Variants in ADARB2 observed in about 807,000 individuals in gnomAD.
The protein encoded by ADARB2 is adenosine deaminase RNA specific B2 (inactive), also known as inactive double-stranded RNA-specific editase B2.
In ADARB2, 25 loss-of-function variants were observed where a neutral mutation model predicts 62.2. The observed-to-expected ratio is 0.40, with a 90% CI of 0.29 to 0.56. The LOEUF (loss-of-function observed/expected upper bound fraction) is 0.56, where lower values mean the gene tolerates loss of function less well. Among genes scored for constraint, ADARB2 ranks in the 20% least tolerant of loss-of-function variants. The probability of loss-of-function intolerance (pLI) is 0.43; values close to 1 mark genes in which losing one functional copy is unlikely to be tolerated. For missense variants in ADARB2, 1,071 were observed against 1,077.4 expected (o/e 0.99, Z 0.08); for synonymous variants, 572 against 500.8 (o/e 1.14, Z -1.90).
intron 1 of ADARB2, among the ~76,000 whole-genome samples, chr10:1,599,043 A>G (rs1261761836): frequency 6.6e-6 from 1 of 152,262 alleles, no homozygotes; most frequent in Admixed American, 6.5e-5. Context: ...CACAACCAAG[A>G]GTGCCATGTT....
rs61283089 is a variant in ADARB2, at chr10:1,486,210, CTGTGTG to C, written c.101-107056_101-107051del. ...TGTGCATGTGTATGTGTGTGGACGC[CTGTGTG>C]TGTGTGTGTGTGTGTGTGTGTGTGT... On this transcript the variant is annotated intron_variant, in intron 1 of 9. Transcript: ENST00000381312. Among the ~76,000 whole-genome samples the C allele has an allele frequency of 1.4e-3, 193 of 142,934 alleles. 1 individual carries two copies. Among genetic ancestry groups the C allele is most frequent in the Middle Eastern group, 3.5e-3 (1 of 284 alleles). The allele number at this position is 142,934 out of a possible 152,430, so 93.8% of individuals were successfully genotyped here.
Position 1,595,416 on chromosome 10 carries a change from C to T in ADARB2, c.100+141635G>A, listed in dbSNP as rs1322308819. 3.3e-5 allele frequency among the ~76,000 whole-genome samples: 5 copies of T among 152,298 alleles called. No individual in the cohort carries two copies. The South Asian group carries it at 8.3e-4, about 25-fold the overall frequency. On this transcript the variant is annotated intron_variant, in intron 1 of 9. Transcript: ENST00000381312. The stretch of plus-strand genomic sequence containing the variant: ...ATGGAGGCTAGGCCTCACCCCAGGG[C>T]ACTGGCTAAGGACGTTCAGAAGGAT...
At position 1,597,751 on chromosome 10, in the gene ADARB2, T is replaced by C. The variant is rs554172107; in HGVS notation, c.100+139300A>G. Among the ~76,000 whole-genome samples, 39 of 152,314 alleles carry C rather than the reference T, an allele frequency of 2.6e-4. No homozygotes were observed. In the South Asian group the frequency reaches 8.1e-3, roughly 32 times the overall value. On this transcript the variant is annotated intron_variant, in intron 1 of 9. Transcript: ENST00000381312. ...AACTAAAAATAGAACTACCATTCAGTCCAGCAATCCCACTACTGGATATCT... is the reference window on the plus strand; with the variant it reads ...AACTAAAAATAGAACTACCATTCAGCCCAGCAATCCCACTACTGGATATCT...
At chr10:1,635,830 A>G (rs752707163) in intron 1 of ADARB2, among the ~76,000 whole-genome samples, 3 of 152,046 alleles carry the variant, frequency 2.0e-5, no homozygotes, top group Non-Finnish European at 4.4e-5. Context: ...TCCTCACTCT[A>G]TCCCTGGACA....
At chr10:1,579,023 G>A (rs1224588629) in intron 1 of ADARB2, among the ~76,000 whole-genome samples, 2 of 152,200 alleles carry the variant, frequency 1.3e-5, no homozygotes, top group Non-Finnish European at 2.9e-5. Context: ...CAGGTGGATA[G>A]CGAGCGGGAT....
At position 1,521,544 on chromosome 10, in the gene ADARB2, C is replaced by T. The variant is rs543889486; in HGVS notation, c.101-142384G>A. 1.2e-3 allele frequency among the ~76,000 whole-genome samples: 181 copies of T among 152,278 alleles called. 1 individual carries two copies. Among genetic ancestry groups the T allele is most frequent in the Non-Finnish European group, 1.3e-3 (89 of 68,034 alleles). ...TCAGACATGCCTCATGATGCCTCTC[C>T]GGCATTAACAGCAACACAGACCTTA... On this transcript the variant is annotated intron_variant, in intron 1 of 9. Transcript: ENST00000381312.
At chr10:1,404,497 A>C (rs1262870824) in intron 1 of ADARB2, among the ~76,000 whole-genome samples, 1 of 152,000 alleles carries the variant, frequency 6.6e-6, no homozygotes, top group African/African-American at 2.4e-5. Context: ...CGTGGGCTCC[A>C]CTCCTCCCGC....
At chr10:1,463,553 C>A (rs983547140) in intron 1 of ADARB2, among the ~76,000 whole-genome samples, 1 of 152,166 alleles carries the variant, frequency 6.6e-6, no homozygotes, top group Non-Finnish European at 1.5e-5. Context: ...AAATAAAATA[C>A]CTTCATTTTT....
chr10:1,717,132 GTC>G (rs1179635492), intron 1 of ADARB2, among the ~76,000 whole-genome samples: 1 of 129,768 alleles, frequency 7.7e-6, no homozygotes, highest in East Asian at 2.3e-4. Flanking sequence ...CGGCTCCTCT[GTC>G]TCTGCTTGGG....
intron 7 of ADARB2, among the ~76,000 whole-genome samples, chr10:1,209,565 A>T (rs1337357416): frequency 7.9e-5 from 9 of 114,058 alleles, no homozygotes; most frequent in Middle Eastern, 4.8e-3. Context: ...ACCCACACCC[A>T]CATCATCACC....
intron 1 of ADARB2, among the ~76,000 whole-genome samples, chr10:1,507,938 A>G (rs1831872794): frequency 6.6e-6 from 1 of 152,038 alleles, no homozygotes; most frequent in Non-Finnish European, 1.5e-5. Flanking sequence ...GGTCCTTCAG[A>G]ACTAGTAACG....
At chr10:1,276,461 C>T (rs1366066012) in intron 3 of ADARB2, among the ~76,000 whole-genome samples, 1 of 151,996 alleles carries the variant, frequency 6.6e-6, no homozygotes, top group Non-Finnish European at 1.5e-5. Context: ...TGTAGTTTGC[C>T]TGTTCACTCT....
At chr10:1,200,455 A>G in intron 7 of ADARB2, 1 of 477,674 alleles carries the variant, frequency 2.1e-6, no homozygotes. Context: ...TTTTAAAAAG[A>G]TACTCTGTCC....
rs148869136 is a variant in ADARB2 at position 1,461,308 on chromosome 10, C to A, written c.101-82148G>T. Among the ~76,000 whole-genome samples the A allele has an allele frequency of 3.6e-4, 55 of 152,294 alleles. 1 individual carries two copies. Among genetic ancestry groups the A allele is most frequent in the African/African-American group, 1.3e-3 (52 of 41,544 alleles). ...TTAGGAGAACTTGTCCTATTGTCTT[C>A]ATCAGAACACGTGTACTTGTCAGGC... On this transcript the variant is annotated intron_variant, in intron 1 of 9. Transcript: ENST00000381312.
chr10:1,204,492 T>C (rs922661582), intron 7 of ADARB2, among the ~76,000 whole-genome samples: 2 of 152,244 alleles, frequency 1.3e-5, no homozygotes, highest in African/African-American at 4.8e-5. Context: ...TGCCTGACCA[T>C]GGGTCCCACA....
chr10:1,435,608 A>G (rs1830827261), intron 1 of ADARB2, among the ~76,000 whole-genome samples: 1 of 148,826 alleles, frequency 6.7e-6, no homozygotes, highest in Non-Finnish European at 1.5e-5. Flanking sequence ...CCGCCCTGCC[A>G]GGCCCCTCTC....
chr10:1,544,969 A>ACACACACACACACACACACACG (rs1345488367), intron 1 of ADARB2, among the ~76,000 whole-genome samples: 6 of 151,984 alleles, frequency 3.9e-5, no homozygotes, highest in African/African-American at 1.4e-4. Context: ...ACACACACAC[A>ACACACACACACACACACACACG]CACACACACA....
At chr10:1,199,398 G>T (rs1482963850) in intron 8 of ADARB2, 2 of 152,408 alleles carry the variant, frequency 1.3e-5, no homozygotes, top group Non-Finnish European at 1.5e-5. Context: ...GTAACGTGGG[G>T]AAGTAGAGGC....
intron 1 of ADARB2, among the ~76,000 whole-genome samples, chr10:1,608,748 G>C (rs1833527364): frequency 6.9e-6 from 1 of 144,278 alleles, no homozygotes; most frequent in South Asian, 2.3e-4. Context: ...AGAGAAGAAA[G>C]AAGGAAGGAA....
Sources: allele counts gnomAD v4.1 joint callset (sites outside exome capture counted in the v4.1 genomes callset), GRCh38; gene constraint gnomAD v4.1.1; transcripts MANE v1.5; gene names NCBI Gene and HGNC (gene_info 2026-07-23, HGNC 2026-07-21).